IL1RAPL2: variants seen among roughly 807,000 people sequenced by gnomAD.
IL1RAPL2 encodes the protein X-linked interleukin-1 receptor accessory protein-like 2.
IL1RAPL2 carries 3 observed loss-of-function variants against 44.1 expected under a neutral mutation model. That is an observed-to-expected ratio of 0.07 (90% CI 0.03 to 0.18). The LOEUF (loss-of-function observed/expected upper bound fraction) is 0.18, where lower values mean the gene tolerates loss of function less well. Among genes scored for constraint, IL1RAPL2 ranks in the 10% least tolerant of loss-of-function variants. IL1RAPL2 has a pLI of 1.00. For missense variants in IL1RAPL2, 391 were observed against 496.4 expected, an observed-to-expected ratio of 0.79 and a Z score of 2.02; for synonymous variants, 181 against 178.8, an observed-to-expected ratio of 1.01 and a Z score of -0.10.
At chrX:104,752,072 G>A (rs1173081211) in intron 2 of IL1RAPL2, among the ~76,000 whole-genome samples, 1 of 110,959 alleles carries the variant, frequency 9.0e-6, no homozygotes, top group Non-Finnish European at 1.9e-5. Flanking sequence ...AATAATGTAA[G>A]TTAGCTTGAT....
chrX:105,577,381 T>G (rs2147812834), intron 6 of IL1RAPL2, among the ~76,000 whole-genome samples: 1 of 110,845 alleles, frequency 9.0e-6, no homozygotes, highest in East Asian at 2.9e-4. Flanking sequence ...ATCTTTGCCC[T>G]CGTGCTAAAT....
At chrX:105,080,575 A>G (rs781011622) in intron 2 of IL1RAPL2, among the ~76,000 whole-genome samples, 17 of 111,704 alleles carry the variant, frequency 1.5e-4, no homozygotes, top group Non-Finnish European at 2.1e-4. Context: ...TCATTGGTCT[A>G]TATACCTGTT....
At chrX:104,586,562 A>C (rs1212720350) in intron 1 of IL1RAPL2, among the ~76,000 whole-genome samples, 1 of 111,837 alleles carries the variant, frequency 8.9e-6, no homozygotes, top group Non-Finnish European at 1.9e-5. Flanking sequence ...AATAATTGCT[A>C]CCAAACTAAA....
At position 104,873,426 on chromosome X, in the gene IL1RAPL2, T is replaced by G. The variant is rs757362903; in HGVS notation, c.82+214431T>G. On this transcript the variant is annotated intron_variant, in intron 2 of 10. Coordinates refer to ENST00000372582, the MANE Select transcript of IL1RAPL2 (RefSeq NM_017416.2). The stretch of plus-strand genomic sequence containing the variant: ...ATCATTTTGCTTCATGTAAGTTATA[T>G]TAGCTTTGGTTAAGTTATGTTGCAG... 2.7e-5 allele frequency among the ~76,000 whole-genome samples: 3 copies of G among 111,937 alleles called. No homozygotes were observed. In the East Asian group the frequency reaches 8.4e-4, roughly 31 times the overall value.
intron 2 of IL1RAPL2, among the ~76,000 whole-genome samples, chrX:104,764,505 G>A (rs953850642): frequency 9.0e-6 from 1 of 111,718 alleles, no homozygotes; most frequent in African/African-American, 3.3e-5. Context: ...TGCAAACAAG[G>A]ATAATTTGAC....
intron 2 of IL1RAPL2, among the ~76,000 whole-genome samples, chrX:104,978,021 C>A (rs754516083): frequency 1.8e-5 from 2 of 111,286 alleles, no homozygotes; most frequent in Non-Finnish European, 3.8e-5. Flanking sequence ...CACTTTTTCC[C>A]TGTTTCAGCT....
chrX:104,750,685 A>T (rs1461241242), intron 2 of IL1RAPL2, among the ~76,000 whole-genome samples: 1 of 110,978 alleles, frequency 9.0e-6, no homozygotes, highest in Admixed American at 9.6e-5. Context: ...AAGAGTTCCA[A>T]AGCCCCTAAA....
intron 5 of IL1RAPL2, among the ~76,000 whole-genome samples, chrX:105,368,474 A>AT (rs2035312580): frequency 9.0e-6 from 1 of 111,456 alleles, no homozygotes; most frequent in Non-Finnish European, 1.9e-5. Context: ...TAGTTGGCAT[A>AT]TTTTTTCTTT....
At chrX:104,637,090 T>G (rs748938868) in intron 1 of IL1RAPL2, among the ~76,000 whole-genome samples, 1 of 110,669 alleles carries the variant, frequency 9.0e-6, no homozygotes, top group South Asian at 3.9e-4. Flanking sequence ...TTGTAGCTAT[T>G]GTAAGTGGAA....
intron 2 of IL1RAPL2, among the ~76,000 whole-genome samples, chrX:105,094,270 C>T (rs1322129155): frequency 9.0e-6 from 1 of 111,678 alleles, no homozygotes; most frequent in African/African-American, 3.3e-5. Context: ...TGTAAAGGAC[C>T]TATCCCAATA....
chrX:105,306,575 A>G (rs2034738828), intron 5 of IL1RAPL2, among the ~76,000 whole-genome samples: 1 of 111,978 alleles, frequency 8.9e-6, no homozygotes, highest in South Asian at 3.7e-4. Flanking sequence ...TGGAAAGTAT[A>G]GATCAACTAT....
chrX:105,386,564 A>G (rs1407551707), intron 5 of IL1RAPL2, among the ~76,000 whole-genome samples: 1 of 112,088 alleles, frequency 8.9e-6, no homozygotes, highest in Non-Finnish European at 1.9e-5. Flanking sequence ...AAATAATGCA[A>G]TAGTATCATC....
intron 2 of IL1RAPL2, among the ~76,000 whole-genome samples, chrX:104,820,092 T>A (rs1379017811): frequency 3.6e-5 from 4 of 111,843 alleles, no homozygotes; most frequent in Non-Finnish European, 5.6e-5. Flanking sequence ...GTATTAGATA[T>A]GAAAAATGGA....
intron 6 of IL1RAPL2, among the ~76,000 whole-genome samples, chrX:105,573,995 CACT>C (rs775543961): frequency 9.0e-6 from 1 of 110,976 alleles, no homozygotes; most frequent in Non-Finnish European, 1.9e-5. Context: ...ATGGGAAGAC[CACT>C]AAGGATATTG....
chrX:105,347,585 ATC>A (rs2035120367), intron 5 of IL1RAPL2, among the ~76,000 whole-genome samples: 1 of 108,816 alleles, frequency 9.2e-6, no homozygotes, highest in Non-Finnish European at 1.9e-5. Flanking sequence ...CATCATCATC[ATC>A]ATCATCATCA....
intron 2 of IL1RAPL2, among the ~76,000 whole-genome samples, chrX:104,666,156 A>G: frequency 9.0e-6 from 1 of 110,781 alleles, no homozygotes; most frequent in Middle Eastern, 4.6e-3. Flanking sequence ...CAGCAGCAAA[A>G]CAATCCATAC....
intron 5 of IL1RAPL2, among the ~76,000 whole-genome samples, chrX:105,480,516 G>C (rs1007490606): frequency 8.9e-6 from 1 of 111,844 alleles, no homozygotes; most frequent in African/African-American, 3.3e-5. Flanking sequence ...ACATTGAAAC[G>C]TTAGTAACAA....
intron 2 of IL1RAPL2, among the ~76,000 whole-genome samples, chrX:105,080,534 T>G (rs1444417899): frequency 1.3e-4 from 14 of 109,934 alleles, no homozygotes; most frequent in African/African-American, 4.8e-4. Context: ...GTTGCAGATA[T>G]GTGGTGTTAT....
chrX:104,773,285 A>G (rs1164286353), intron 2 of IL1RAPL2, among the ~76,000 whole-genome samples: 1 of 111,233 alleles, frequency 9.0e-6, no homozygotes, highest in Non-Finnish European at 1.9e-5. Context: ...TAATGTGTGT[A>G]CCTCTCCCCT....
Sources: allele counts gnomAD v4.1 joint callset (sites outside exome capture counted in the v4.1 genomes callset), GRCh38; gene constraint gnomAD v4.1.1; transcripts MANE v1.5; gene names NCBI Gene and HGNC (gene_info 2026-07-23, HGNC 2026-07-21).